Variants in EXT2 observed in about 807,000 individuals in gnomAD.
EXT2 encodes the protein exostosin-2.
Under a neutral mutation model 81.6 loss-of-function variants are expected in EXT2, and 53 were observed. The observed-to-expected ratio is 0.65, with a 90% CI of 0.52 to 0.82. The LOEUF (loss-of-function observed/expected upper bound fraction) is 0.82, where lower values mean the gene tolerates loss of function less well. EXT2 is among the 40% of genes least tolerant of loss of function. The pLI is 0.00. For missense variants in EXT2, 774 were observed against 910.2 expected (o/e 0.85, Z 1.93); for synonymous variants, 320 against 340.0 (o/e 0.94, Z 0.65).
chr11:44,206,997 A>T (rs766515969), intron 10 of EXT2, 38 bp downstream of exon 10: 1 of 1,584,870 alleles, frequency 6.3e-7, no homozygotes, highest in South Asian at 1.1e-5. Flanking sequence ...TATGTTTAAT[A>T]TTACTTCCTA....
intron 7 of EXT2, among the ~76,000 whole-genome samples, chr11:44,141,121 G>T (rs2135057718): frequency 6.6e-6 from 1 of 152,278 alleles, no homozygotes; most frequent in East Asian, 1.9e-4. Flanking sequence ...GGATGCTCAA[G>T]TCTCTGCTAC....
intron 4 of EXT2, among the ~76,000 whole-genome samples, chr11:44,118,231 G>T (rs551838024): frequency 7.6e-4 from 116 of 152,166 alleles, no homozygotes; most frequent in African/African-American, 2.7e-3. Flanking sequence ...GTTAATTACG[G>T]GTTTGCTGGG....
In EXT2 at chr11:44,248,374, C is replaced by T. The variant is rs1408715543; in HGVS notation, c.*4087C>T. ...TGAAAGCAACTTGAGCTTTCCACTG[C>T]AGGGCCTGGAGGCATATGAAACCTG... is the stretch of plus-strand genomic sequence containing the variant. On this transcript the variant is annotated 3_prime_UTR_variant, in exon 14 of 14. Coordinates refer to ENST00000533608, the MANE Select transcript of EXT2 (RefSeq NM_207122.2). Among the ~76,000 whole-genome samples the T allele has an allele frequency of 6.6e-6, 1 of 152,220 alleles. No homozygotes were observed. The highest frequency in any genetic ancestry group is 1.9e-4 in the East Asian group (1 of 5,204).
At chr11:44,173,563 C>CTTTTTTTTT (rs66702988) in intron 8 of EXT2, among the ~76,000 whole-genome samples, 18 of 100,054 alleles carry the variant, frequency 1.8e-4, no homozygotes, top group South Asian at 4.0e-4. Flanking sequence ...TTCTTTCTTT[C>CTTTTTTTTT]TTTTTTTTTT....
chr11:44,149,334 G>A (rs1367066788), intron 7 of EXT2, among the ~76,000 whole-genome samples: 1 of 152,174 alleles, frequency 6.6e-6, no homozygotes, highest in African/African-American at 2.4e-5. Context: ...TGCACTTCAG[G>A]CAGGGTGACA....
At position 44,251,688 on chromosome 11, in the gene EXT2, A is replaced by G. The variant is rs1490636567; in HGVS notation, c.*7401A>G. Among the ~76,000 whole-genome samples, 2 of 152,222 alleles carry G rather than the reference A, an allele frequency of 1.3e-5. No homozygotes were observed. The highest frequency in any genetic ancestry group is 1.3e-4 in the Admixed American group (2 of 15,278). Reference sequence around the variant, plus strand: ...ATTTACTTCCAGAGAAAGGACCAGAAGAAAGTAAATTTTCATTTATGTTTT... The same window carrying G: ...ATTTACTTCCAGAGAAAGGACCAGAGGAAAGTAAATTTTCATTTATGTTTT... On this transcript the variant is annotated 3_prime_UTR_variant, in exon 14 of 14. Coordinates refer to ENST00000533608, the MANE Select transcript of EXT2 (RefSeq NM_207122.2).
chr11:44,161,245 C>G (rs1191665223), intron 7 of EXT2, among the ~76,000 whole-genome samples: 2 of 152,150 alleles, frequency 1.3e-5, no homozygotes, highest in African/African-American at 2.4e-5. Context: ...GAACTTATTA[C>G]TGAGGAAAGA....
intron 7 of EXT2, among the ~76,000 whole-genome samples, chr11:44,159,541 T>C (rs1954902165): frequency 6.6e-6 from 1 of 152,224 alleles, no homozygotes; most frequent in East Asian, 1.9e-4. Flanking sequence ...CATCTGTTCT[T>C]GCATGTTGTC....
At chr11:44,101,061 G>C (rs1335246038) in intron 1 of EXT2, among the ~76,000 whole-genome samples, 1 of 152,124 alleles carries the variant, frequency 6.6e-6, no homozygotes, top group Non-Finnish European at 1.5e-5. Flanking sequence ...GGAGTTGCAG[G>C]ACCTGGCTAA....
intron 10 of EXT2, among the ~76,000 whole-genome samples, chr11:44,217,471 G>C (rs1955733344): frequency 6.6e-6 from 1 of 152,214 alleles, no homozygotes; most frequent in South Asian, 2.1e-4. Flanking sequence ...CTGAAATCAG[G>C]AGCTAGGAAT....
intron 8 of EXT2, among the ~76,000 whole-genome samples, chr11:44,184,718 T>G (rs895641953): frequency 2.0e-5 from 3 of 152,182 alleles, no homozygotes; most frequent in African/African-American, 7.2e-5. Flanking sequence ...GCCACTGCAC[T>G]CCAGCCTGGG....
rs1183478012 is a variant in EXT2, at chr11:44,171,709, C to T, written c.1272C>T (p.Ile424=). 2 of 1,614,082 alleles carry T rather than the reference C, an allele frequency of 1.2e-6. No individual in the cohort carries two copies. The highest frequency in any genetic ancestry group is 1.7e-6 in the Non-Finnish European group (2 of 1,179,950). ...INDRIYPYAA[I]SYEEWNDPPA... is the part of the protein sequence containing the mutation. ...ACCGGATCTATCCATATGCTGCCAT[C>T]TCCTATGAAGAATGGAATGACCCTC... Residue 424 remains isoleucine (I), a synonymous_variant, in exon 8 of 14, where the codon ATC becomes ATT. Transcript: ENST00000533608.
chr11:44,144,735 C>G (rs1422062081), intron 7 of EXT2, among the ~76,000 whole-genome samples: 1 of 152,184 alleles, frequency 6.6e-6, no homozygotes, highest in East Asian at 1.9e-4. Flanking sequence ...CCTTCTTGAC[C>G]CCTTCTTGTT....
At chr11:44,241,259 G>T (rs903509) in intron 13 of EXT2, among the ~76,000 whole-genome samples, 14 of 152,254 alleles carry the variant, frequency 9.2e-5, no homozygotes, top group African/African-American at 3.1e-4. Context: ...GCAATATGAC[G>T]GGCAGACAGT....
chr11:44,102,629 TAGTG>T (rs1359142427), intron 1 of EXT2, among the ~76,000 whole-genome samples: 2 of 144,028 alleles, frequency 1.4e-5, no homozygotes, highest in Admixed American at 7.4e-5. Flanking sequence ...AAGACTAACA[TAGTG>T]AGTGTCAGCT....
intron 10 of EXT2, among the ~76,000 whole-genome samples, chr11:44,225,602 G>T (rs988792815): frequency 6.6e-6 from 1 of 152,212 alleles, no homozygotes; most frequent in Non-Finnish European, 1.5e-5. Flanking sequence ...CCTGAATGTC[G>T]TTTTTGACAT....
intron 1 of EXT2, among the ~76,000 whole-genome samples, chr11:44,103,534 T>C (rs1954014941): frequency 6.6e-6 from 1 of 152,238 alleles, no homozygotes; most frequent in Non-Finnish European, 1.5e-5. Flanking sequence ...GCTAGCCTCC[T>C]AAACTGAGCT....
At chr11:44,164,596 A>C (rs1255051963) in intron 7 of EXT2, among the ~76,000 whole-genome samples, 1 of 152,240 alleles carries the variant, frequency 6.6e-6, no homozygotes, top group African/African-American at 2.4e-5. Context: ...CATTTTGCCC[A>C]TGATGGTTTT....
chr11:44,096,087 G>C lies in EXT2; in HGVS notation c.-31+235G>C. On this transcript the variant is annotated intron_variant, in intron 1 of 13. Coordinates refer to ENST00000533608, the MANE Select transcript of EXT2 (RefSeq NM_207122.2). ...TGCTTCTCCTTCTCCTCCGGCGGCGGCCGCGCTTTCAGCATCTTGGTACCC... is the reference window on the plus strand; with the variant it reads ...TGCTTCTCCTTCTCCTCCGGCGGCGCCCGCGCTTTCAGCATCTTGGTACCC... 4.3e-6 allele frequency: 3 copies of C among 705,334 alleles called. No homozygotes were observed. In the Admixed American group the frequency reaches 6.1e-5, roughly 14 times the overall value. The allele number at this position is 705,334 out of a possible 1,614,324, so 43.7% of individuals were successfully genotyped here. A position where few individuals can be genotyped will look rare whatever the true frequency, so the allele number is the denominator to read the frequency against.
Sources: allele counts gnomAD v4.1 joint callset (sites outside exome capture counted in the v4.1 genomes callset), GRCh38; gene constraint gnomAD v4.1.1; transcripts MANE v1.5; gene names NCBI Gene and HGNC (gene_info 2026-07-23, HGNC 2026-07-21).